KCNMA1: variants seen among roughly 807,000 people sequenced by gnomAD.
KCNMA1 encodes the protein potassium calcium-activated channel subfamily M alpha 1.
KCNMA1 carries 29 observed loss-of-function variants against 140.0 expected under a neutral mutation model. That is an observed-to-expected ratio of 0.21 (90% CI 0.15 to 0.28). The LOEUF is 0.28. Ranked by LOEUF, KCNMA1 falls within the 10% of genes least tolerant of loss-of-function variation. KCNMA1 has a pLI of 1.00. For synonymous variants in KCNMA1, 612 were observed against 611.9 expected (o/e 1.00, Z 0.00); for missense variants, 880 against 1,602.2 (o/e 0.55, Z 7.70).
chr10:77,465,922 C>T (rs989576961), intron 1 of KCNMA1, among the ~76,000 whole-genome samples: 8 of 152,102 alleles, frequency 5.3e-5, no homozygotes, highest in Non-Finnish European at 1.2e-4. Context: ...ATGGAGACAC[C>T]CATGGGATGC....
intron 1 of KCNMA1, among the ~76,000 whole-genome samples, chr10:77,503,115 C>T (rs1160126496): frequency 6.6e-6 from 1 of 152,144 alleles, no homozygotes; most frequent in African/African-American, 2.4e-5. Flanking sequence ...AAACCAAGAC[C>T]ACTTGGCAAC....
intron 1 of KCNMA1, among the ~76,000 whole-genome samples, chr10:77,453,522 C>A (rs2097701613): frequency 6.6e-6 from 1 of 152,154 alleles, no homozygotes; most frequent in Non-Finnish European, 1.5e-5. Flanking sequence ...GGGAAGACAG[C>A]AATCCCTGAG....
At chr10:76,928,254 T>TAC (rs57777811) in intron 23 of KCNMA1, among the ~76,000 whole-genome samples, 16,648 of 144,742 alleles carry the variant, frequency 0.12, 1,932 homozygotes, top group African/African-American at 0.3. Context: ...TTCAGAAAAA[T>TAC]ACACACACAC....
intron 5 of KCNMA1, among the ~76,000 whole-genome samples, chr10:77,178,892 G>A (rs989629959): frequency 6.6e-6 from 1 of 152,136 alleles, no homozygotes; most frequent in Non-Finnish European, 1.5e-5. Context: ...AGTGAGGTTT[G>A]GATTTGTAAG....
At chr10:76,904,105 G>C (rs768417622) in intron 25 of KCNMA1, 1 of 152,186 alleles carries the variant, frequency 6.6e-6, no homozygotes, top group Non-Finnish European at 1.5e-5. Flanking sequence ...TCTGCTCTGT[G>C]AAAGATTTTT....
At chr10:77,364,580 C>G (rs1031418835) in intron 2 of KCNMA1, among the ~76,000 whole-genome samples, 1 of 152,038 alleles carries the variant, frequency 6.6e-6, no homozygotes, top group East Asian at 1.9e-4. Context: ...ATGAGTGAAC[C>G]CTGACCCCAA....
At chr10:77,541,802 C>G (rs1223123255) in intron 1 of KCNMA1, among the ~76,000 whole-genome samples, 1 of 152,164 alleles carries the variant, frequency 6.6e-6, no homozygotes, top group Non-Finnish European at 1.5e-5. Context: ...GACCAATTAA[C>G]TCCACATGCC....
At chr10:77,231,502 C>CT (rs921901093) in intron 3 of KCNMA1, among the ~76,000 whole-genome samples, 28 of 152,060 alleles carry the variant, frequency 1.8e-4, no homozygotes, top group African/African-American at 5.1e-4. Flanking sequence ...TAGTGTTTTT[C>CT]TTTTTTTTAG....
At chr10:77,469,194 C>T (rs567591014) in intron 1 of KCNMA1, among the ~76,000 whole-genome samples, 26 of 152,228 alleles carry the variant, frequency 1.7e-4, no homozygotes, top group African/African-American at 5.1e-4. Flanking sequence ...ATAGGAACCC[C>T]GCTACTCCTT....
chr10:76,942,024 T>C (rs1468641083), intron 23 of KCNMA1, among the ~76,000 whole-genome samples: 1 of 152,208 alleles, frequency 6.6e-6, no homozygotes, highest in Non-Finnish European at 1.5e-5. Context: ...CAGGCTGGAA[T>C]GCAATGGTGC....
intron 2 of KCNMA1, among the ~76,000 whole-genome samples, chr10:77,380,619 C>T (rs1005924199): frequency 4.6e-5 from 7 of 152,130 alleles, no homozygotes; most frequent in Non-Finnish European, 7.4e-5. Context: ...TACTCATAAA[C>T]GCTTACTCCC....
chr10:77,097,999 C>T (rs146395156), intron 9 of KCNMA1, among the ~76,000 whole-genome samples: 166 of 152,300 alleles, frequency 1.1e-3, no homozygotes, highest in Middle Eastern at 3.4e-3. Context: ...TGGGGAATAC[C>T]GGGATGTCCC....
chr10:77,203,383 T>C (rs774618004), intron 3 of KCNMA1, among the ~76,000 whole-genome samples: 8 of 152,192 alleles, frequency 5.3e-5, no homozygotes, highest in Admixed American at 2.6e-4. Context: ...AAGCTCTTAC[T>C]CATCCACCTT....
At chr10:77,582,547 T>C (rs2076167262) in intron 1 of KCNMA1, among the ~76,000 whole-genome samples, 2 of 152,226 alleles carry the variant, frequency 1.3e-5, no homozygotes, top group African/African-American at 4.8e-5. Context: ...ACCTGCATGT[T>C]CTGCACCTGT....
intron 3 of KCNMA1, among the ~76,000 whole-genome samples, chr10:77,244,671 T>A (rs1477616612): frequency 1.3e-5 from 2 of 152,184 alleles, no homozygotes; most frequent in African/African-American, 4.8e-5. Context: ...TCTCCACCTG[T>A]CTTCTCTACC....
intron 9 of KCNMA1, chr10:77,090,956 G>A (rs1314568525): frequency 2.2e-5 from 4 of 185,696 alleles, no homozygotes; most frequent in Non-Finnish European, 4.6e-5. Flanking sequence ...AACAAATCTT[G>A]CTGAAACGAT....
chr10:77,150,128 C>T (rs967488875), intron 5 of KCNMA1: 1 of 152,222 alleles, frequency 6.6e-6, no homozygotes, highest in African/African-American at 2.4e-5. Flanking sequence ...ATTCTTTCTT[C>T]CTGCCACAGA....
chr10:77,410,481 C>T (rs547451510), intron 1 of KCNMA1, among the ~76,000 whole-genome samples: 25 of 152,344 alleles, frequency 1.6e-4, no homozygotes, highest in African/African-American at 5.5e-4. Flanking sequence ...GGTTTAACTA[C>T]GTGTCAGTTC....
At chr10:77,371,387 A>G (rs1280840390) in intron 2 of KCNMA1, among the ~76,000 whole-genome samples, 1 of 152,130 alleles carries the variant, frequency 6.6e-6, no homozygotes, top group Non-Finnish European at 1.5e-5. Flanking sequence ...TGCACCGCCA[A>G]CAGAGAAGCC....
Sources: allele counts gnomAD v4.1 joint callset (sites outside exome capture counted in the v4.1 genomes callset), GRCh38; gene constraint gnomAD v4.1.1; transcripts MANE v1.5; gene names NCBI Gene and HGNC (gene_info 2026-07-23, HGNC 2026-07-21).